The following EHBP1 variants were observed in gnomAD, a reference collection of about 807,000 sequenced individuals.
EHBP1 encodes the protein EH domain-binding protein 1.
In EHBP1, 55 loss-of-function variants were observed where a neutral mutation model predicts 144.0. The observed-to-expected ratio is 0.38, with a 90% CI of 0.31 to 0.48. The LOEUF (loss-of-function observed/expected upper bound fraction) is 0.48. Among genes scored for constraint, EHBP1 ranks in the 20% least tolerant of loss-of-function variants. The pLI is 0.98. For synonymous variants in EHBP1, 469 were observed against 472.7 expected (o/e 0.99, Z 0.10); for missense variants, 1,200 against 1,364.2 (o/e 0.88, Z 1.90).
At chr2:62,794,878 T>C (rs1304751574) in intron 5 of EHBP1, among the ~76,000 whole-genome samples, 1 of 152,060 alleles carries the variant, frequency 6.6e-6, no homozygotes, top group Non-Finnish European at 1.5e-5. Context: ...AAAACATGTA[T>C]AAACCCTTTC....
At chr2:62,721,116 A>T (rs539376284) in intron 2 of EHBP1, among the ~76,000 whole-genome samples, 1 of 152,142 alleles carries the variant, frequency 6.6e-6, no homozygotes, top group Non-Finnish European at 1.5e-5. Flanking sequence ...TTTAGTTGTC[A>T]TATCTCCTCT....
At chr2:62,861,777 C>T (rs1284920668) in intron 8 of EHBP1, among the ~76,000 whole-genome samples, 2 of 151,670 alleles carry the variant, frequency 1.3e-5, no homozygotes, top group African/African-American at 4.8e-5. Flanking sequence ...AAAGTCTTCT[C>T]TTAAACCCTC....
intron 5 of EHBP1, among the ~76,000 whole-genome samples, chr2:62,818,559 C>T (rs1280683147): frequency 6.6e-6 from 1 of 152,040 alleles, no homozygotes; most frequent in Non-Finnish European, 1.5e-5. Context: ...GAACGTATCC[C>T]TGTCATTAAA....
At chr2:62,820,933 G>T (rs1212592199) in intron 5 of EHBP1, among the ~76,000 whole-genome samples, 4 of 150,784 alleles carry the variant, frequency 2.7e-5, no homozygotes, top group Non-Finnish European at 5.9e-5. Context: ...TACTGGCAAT[G>T]TTCTGTTTCT....
At chr2:62,703,123 G>C (rs924159043), upstream of EHBP1, among the ~76,000 whole-genome samples, 1 of 152,076 alleles carries the variant, frequency 6.6e-6, no homozygotes, top group Non-Finnish European at 1.5e-5. Context: ...GACCTCAGGA[G>C]TTCAGCCTGG....
At chr2:62,891,581 AT>A (rs1292739403) in intron 10 of EHBP1, among the ~76,000 whole-genome samples, 1 of 152,164 alleles carries the variant, frequency 6.6e-6, no homozygotes, top group Non-Finnish European at 1.5e-5. Context: ...GTTAATAGAT[AT>A]TCTTTAACTG....
intron 19 of EHBP1, among the ~76,000 whole-genome samples, chr2:63,019,415 T>C (rs983396053): frequency 1.3e-5 from 2 of 152,118 alleles, no homozygotes; most frequent in Non-Finnish European, 2.9e-5. Context: ...TTTGATCATA[T>C]GTTTTAAAAA....
chr2:62,880,162 AAAG>A (rs2051280387), intron 10 of EHBP1, among the ~76,000 whole-genome samples: 1 of 152,148 alleles, frequency 6.6e-6, no homozygotes, highest in African/African-American at 2.4e-5. Context: ...ATAGCCATGT[AAAG>A]AAGATTGAAA....
At chr2:62,777,242 A>G (rs1371691199) in intron 5 of EHBP1, among the ~76,000 whole-genome samples, 2 of 152,212 alleles carry the variant, frequency 1.3e-5, no homozygotes, top group Non-Finnish European at 2.9e-5. Context: ...GAGTGTTGAG[A>G]TTACAGGCAT....
chr2:63,037,871 A>G (rs2061505865), intron 20 of EHBP1, among the ~76,000 whole-genome samples: 1 of 152,184 alleles, frequency 6.6e-6, no homozygotes, highest in Non-Finnish European at 1.5e-5. Flanking sequence ...AATATAAACA[A>G]TTATTGTATT....
At chr2:62,916,711 AAAT>A in intron 10 of EHBP1, among the ~76,000 whole-genome samples, 1 of 149,906 alleles carries the variant, frequency 6.7e-6, no homozygotes, top group Non-Finnish European at 1.5e-5. Context: ...ATTTATATAT[AAAT>A]AATTTTATAA....
rs773289599 is a variant in EHBP1 at position 62,942,891 on chromosome 2, T to C, written c.1359T>C (p.Asp453=). Residue 453 remains aspartate, a synonymous_variant, in exon 11 of 23, where the codon GAT becomes GAC. Transcript: ENST00000431489. ...CAATATTACACCACTTTAGACCAGATTTAATGTAAGTAGAAACATTTTCCA... is the reference window on the plus strand; with the variant it reads ...CAATATTACACCACTTTAGACCAGACTTAATGTAAGTAGAAACATTTTCCA... ...FCAILHHFRP[D]LIDYKSLNPQ... is the part of the protein sequence containing the mutation. 2 of 1,587,576 alleles carry C rather than the reference T, an allele frequency of 1.3e-6. No homozygotes were observed. The highest frequency in any genetic ancestry group is 1.7e-6 in the Non-Finnish European group (2 of 1,163,346).
intron 19 of EHBP1, among the ~76,000 whole-genome samples, chr2:63,021,015 G>A (rs908758221): frequency 7.7e-6 from 1 of 129,320 alleles, no homozygotes; most frequent in South Asian, 2.5e-4. Context: ...TTGAGACAAG[G>A]TCTCTCTATG....
rs551996051 is a variant in EHBP1 at position 62,848,378 on chromosome 2, C to T, written c.635-10791C>T. The stretch of plus-strand genomic sequence containing the variant: ...GATTACAGGTGTGAGCCACCATGCC[C>T]GGCACTTAGCAAGTTTCTTACAACA... On this transcript the variant is annotated intron_variant, in intron 7 of 22. Transcript: ENST00000431489. Among the ~76,000 whole-genome samples, 17 of 152,122 alleles carry T rather than the reference C, an allele frequency of 1.1e-4. No homozygotes were observed. The South Asian group carries it at 2.9e-3, about 26-fold the overall frequency.
rs182173400 is a variant in EHBP1 at position 62,889,968 on chromosome 2, T to C, written c.1185+15436T>C. 2.7e-4 allele frequency among the ~76,000 whole-genome samples: 40 copies of C among 149,584 alleles called. No homozygotes were observed. In the East Asian group the frequency reaches 7.6e-3, roughly 28 times the overall value. On this transcript the variant is annotated intron_variant, in intron 10 of 22. Transcript: ENST00000431489. The stretch of plus-strand genomic sequence containing the variant: ...TTTTTATTCCATATGAATTTTTTTT[T>C]TTTTTTTTTTTGAGATGGAGTCTTA...
intron 1 of EHBP1, among the ~76,000 whole-genome samples, chr2:62,688,747 T>A (rs1303744961): frequency 6.6e-6 from 1 of 152,210 alleles, no homozygotes; most frequent in Admixed American, 6.5e-5. Flanking sequence ...TTCATCACTT[T>A]GCCTTTCCTC....
chr2:62,706,786 T>G (rs1220714245), intron 1 of EHBP1, 111 bp from the exon 2 acceptor site: 1 of 172,536 alleles, frequency 5.8e-6, no homozygotes, highest in Non-Finnish European at 1.3e-5. Flanking sequence ...TTAAAAGACA[T>G]GCAGAGAACT....
chr2:62,780,681 T>C (rs1307395196), intron 5 of EHBP1, among the ~76,000 whole-genome samples: 10 of 152,188 alleles, frequency 6.6e-5, no homozygotes, highest in African/African-American at 2.4e-4. Flanking sequence ...CTGTCAACTA[T>C]ACTGTATTTA....
At chr2:62,784,668 C>T (rs2042685173) in intron 5 of EHBP1, among the ~76,000 whole-genome samples, 1 of 152,138 alleles carries the variant, frequency 6.6e-6, no homozygotes, top group Admixed American at 6.5e-5. Context: ...GAGGTAAGCA[C>T]AGAGGGAATA....
Sources: allele counts gnomAD v4.1 joint callset (sites outside exome capture counted in the v4.1 genomes callset), GRCh38; gene constraint gnomAD v4.1.1; transcripts MANE v1.5; gene names NCBI Gene and HGNC (gene_info 2026-07-23, HGNC 2026-07-21).